Variants in CDH18 observed in about 807,000 individuals in gnomAD.
CDH18 encodes cadherin-18.
Under a neutral mutation model 67.9 loss-of-function variants are expected in CDH18, and 31 were observed. The observed-to-expected ratio is 0.46, with a 90% CI of 0.34 to 0.62. CDH18 has a LOEUF of 0.62. Ranked by LOEUF, CDH18 falls within the 20% of genes least tolerant of loss-of-function variation. CDH18 has a pLI of 0.01. For synonymous variants in CDH18, 362 were observed against 347.2 expected, an observed-to-expected ratio of 1.04 and a Z score of -0.48; for missense variants, 890 against 975.5, an observed-to-expected ratio of 0.91 and a Z score of 1.17.
At chr5:20,498,722 G>GT in intron 1 of CDH18, among the ~76,000 whole-genome samples, 1 of 151,680 alleles carries the variant, frequency 6.6e-6, no homozygotes, top group East Asian at 1.9e-4. Context: ...GTTTCCACAG[G>GT]TTATTACAAA....
intron 1 of CDH18, among the ~76,000 whole-genome samples, chr5:20,565,128 T>A (rs1211206285): frequency 6.6e-6 from 1 of 152,202 alleles, no homozygotes; most frequent in Non-Finnish European, 1.5e-5. Flanking sequence ...GTATCCCCGA[T>A]GCAGAATAGC....
chr5:19,649,262 T>C (rs1755229753), intron 5 of CDH18, among the ~76,000 whole-genome samples: 1 of 152,140 alleles, frequency 6.6e-6, no homozygotes, highest in South Asian at 2.1e-4. Flanking sequence ...TATTTGTTTG[T>C]CCCTTAAGTG....
At chr5:19,664,090 A>G (rs144202930) in intron 5 of CDH18, among the ~76,000 whole-genome samples, 162 of 152,094 alleles carry the variant, frequency 1.1e-3, no homozygotes, top group East Asian at 7.1e-3. Flanking sequence ...ACACTAAATT[A>G]TTAATCATGT....
rs569364691 is a variant in CDH18 at position 20,104,165 on chromosome 5, T to C, written c.-517-112151A>G. ...AATATAGATATAGATTATTATATAT[T>C]GATAGATATATTTAAATCCTTTTTT... On this transcript the variant is annotated intron_variant, in intron 2 of 14. Coordinates refer to the CDH18 transcript ENST00000507958. Among the ~76,000 whole-genome samples, 4 of 151,468 alleles carry C rather than the reference T, an allele frequency of 2.6e-5. No homozygotes were observed. In the South Asian group the frequency reaches 8.3e-4, roughly 31 times the overall value.
At chr5:20,052,402 T>C (rs985585752) in intron 2 of CDH18, among the ~76,000 whole-genome samples, 1 of 152,072 alleles carries the variant, frequency 6.6e-6, no homozygotes, top group East Asian at 1.9e-4. Flanking sequence ...CTATCAGTAA[T>C]GGGTACTAGC....
intron 1 of CDH18, among the ~76,000 whole-genome samples, chr5:20,272,327 G>C (rs773335221): frequency 3.3e-5 from 5 of 152,044 alleles, no homozygotes; most frequent in Admixed American, 1.3e-4. Context: ...GGGCTTAAGA[G>C]AGAAGGCAGA....
intron 5 of CDH18, among the ~76,000 whole-genome samples, chr5:19,661,342 A>G (rs1169297984): frequency 2.0e-5 from 3 of 151,956 alleles, no homozygotes; most frequent in Admixed American, 2.0e-4. Flanking sequence ...GTATTTACCC[A>G]TCTAATACTA....
At chr5:19,855,923 A>G (rs1404819552) in intron 2 of CDH18, among the ~76,000 whole-genome samples, 1 of 152,188 alleles carries the variant, frequency 6.6e-6, no homozygotes, top group Non-Finnish European at 1.5e-5. Flanking sequence ...AAAGGGAAGG[A>G]TTTGGAAGAA....
intron 1 of CDH18, among the ~76,000 whole-genome samples, chr5:20,482,293 A>G (rs1350285308): frequency 5.3e-5 from 8 of 152,086 alleles, no homozygotes; most frequent in African/African-American, 1.7e-4. Context: ...AAACCATAAT[A>G]AAAAGTCTTC....
chr5:20,123,803 G>A (rs1748579280), intron 2 of CDH18, among the ~76,000 whole-genome samples: 2 of 151,226 alleles, frequency 1.3e-5, no homozygotes, highest in African/African-American at 2.4e-5. Flanking sequence ...CAGGAGAATG[G>A]CATGAACCCG....
At chr5:19,982,464 G>A (rs1799152803) in intron 1 of CDH18, among the ~76,000 whole-genome samples, 1 of 151,914 alleles carries the variant, frequency 6.6e-6, no homozygotes, top group African/African-American at 2.4e-5. Flanking sequence ...ATCAAGCTTA[G>A]TAAATTATAT....
At chr5:19,732,661 A>G (rs1767770174) in intron 4 of CDH18, among the ~76,000 whole-genome samples, 2 of 152,198 alleles carry the variant, frequency 1.3e-5, no homozygotes, top group Non-Finnish European at 1.5e-5. Context: ...TTTCTTAAAC[A>G]GTTATCTCTC....
At chr5:19,753,569 G>A (rs1313712269) in intron 3 of CDH18, among the ~76,000 whole-genome samples, 1 of 152,162 alleles carries the variant, frequency 6.6e-6, no homozygotes, top group African/African-American at 2.4e-5. Flanking sequence ...TCTTCAAGAA[G>A]AAGAGAAATC....
chr5:19,629,951 T>A (rs1022713368), intron 5 of CDH18, among the ~76,000 whole-genome samples: 4 of 152,118 alleles, frequency 2.6e-5, no homozygotes, highest in Non-Finnish European at 2.9e-5. Flanking sequence ...TTATTTATTT[T>A]TTTGAAACAG....
intron 2 of CDH18, among the ~76,000 whole-genome samples, chr5:20,244,032 G>A (rs1445088288): frequency 6.6e-6 from 1 of 152,122 alleles, no homozygotes; most frequent in African/African-American, 2.4e-5. Context: ...AATGTATGAA[G>A]ACTGATTGAA....
At chr5:19,719,890 A>G (rs1765802572) in intron 5 of CDH18, among the ~76,000 whole-genome samples, 1 of 150,726 alleles carries the variant, frequency 6.6e-6, no homozygotes, top group South Asian at 2.1e-4. Context: ...GAAAGAAAGA[A>G]AGAGTTAAGC....
chr5:19,847,019 C>A (rs1783053866), intron 2 of CDH18, among the ~76,000 whole-genome samples: 1 of 151,970 alleles, frequency 6.6e-6, no homozygotes, highest in Admixed American at 6.6e-5. Flanking sequence ...TGGAAGTTCT[C>A]TTTCATGTGA....
At position 19,777,842 on chromosome 5, in the gene CDH18, T is replaced by G. The variant is rs377743938; in HGVS notation, c.229-30606A>C. Among the ~76,000 whole-genome samples, 457 of 152,180 alleles carry G rather than the reference T, an allele frequency of 3.0e-3. 2 individuals carry two copies. The highest frequency in any genetic ancestry group is 8.8e-3 in the African/African-American group (365 of 41,530). Reference sequence around the variant, plus strand: ...TAAAATTACTAAAATGAATAGAACTTTTGCCAGACAGATCAGGAGAAACAA... The same window carrying G: ...TAAAATTACTAAAATGAATAGAACTGTTGCCAGACAGATCAGGAGAAACAA... On this transcript the variant is annotated intron_variant, in intron 3 of 12. Coordinates refer to ENST00000382275, the MANE Select transcript of CDH18 (RefSeq NM_004934.5).
intron 1 of CDH18, among the ~76,000 whole-genome samples, chr5:20,526,707 A>G (rs2126539292): frequency 6.6e-6 from 1 of 152,188 alleles, no homozygotes; most frequent in East Asian, 1.9e-4. Flanking sequence ...AAAAACAACA[A>G]CAACACAACA....
Sources: allele counts gnomAD v4.1 joint callset (sites outside exome capture counted in the v4.1 genomes callset), GRCh38; gene constraint gnomAD v4.1.1; transcripts MANE v1.5; gene names NCBI Gene and HGNC (gene_info 2026-07-23, HGNC 2026-07-21).